Variants in PRKDC observed in about 807,000 individuals in gnomAD.
PRKDC encodes protein kinase, DNA-activated, catalytic subunit.
Under a neutral mutation model 486.9 loss-of-function variants are expected in PRKDC, and 82 were observed. That is an observed-to-expected ratio of 0.17 (90% CI 0.14 to 0.20). PRKDC has a LOEUF of 0.20. Ranked by LOEUF, PRKDC falls within the 10% of genes least tolerant of loss-of-function variation. The pLI, the probability that PRKDC is intolerant of heterozygous loss-of-function variation, is 1.00. For missense variants in PRKDC, 4,504 were observed against 5,038.2 expected, an observed-to-expected ratio of 0.89 and a Z score of 3.21; for synonymous variants, 1,895 against 1,837.0, an observed-to-expected ratio of 1.03 and a Z score of -0.81.
intron 16 of PRKDC, among the ~76,000 whole-genome samples, chr8:47,931,867 G>GCAGAC (rs2154503609): frequency 6.6e-6 from 1 of 152,280 alleles, no homozygotes; most frequent in East Asian, 1.9e-4. Context: ...CCAGAGCAGG[G>GCAGAC]CAGCTCCAGA....
chr8:47,795,849 A>C (rs1483251916), intron 73 of PRKDC, among the ~76,000 whole-genome samples: 1 of 151,646 alleles, frequency 6.6e-6, no homozygotes, highest in Non-Finnish European at 1.5e-5. Flanking sequence ...CTAGAACTAA[A>C]ATTACAGTGT....
At chr8:47,842,072 G>C (rs1414048337) in intron 54 of PRKDC, among the ~76,000 whole-genome samples, 1 of 152,150 alleles carries the variant, frequency 6.6e-6, no homozygotes, top group Non-Finnish European at 1.5e-5. Context: ...CAAGCACAGA[G>C]GACCAGTGGG....
chr8:47,800,585 G>A (rs1259934381), intron 71 of PRKDC, among the ~76,000 whole-genome samples: 2 of 151,688 alleles, frequency 1.3e-5, no homozygotes, highest in Non-Finnish European at 2.9e-5. Context: ...TTGTGCACAT[G>A]TACCCTAAAA....
At chr8:47,780,854 C>G (rs1320983823) in intron 80 of PRKDC, among the ~76,000 whole-genome samples, 2 of 152,058 alleles carry the variant, frequency 1.3e-5, no homozygotes, top group African/African-American at 4.8e-5. Context: ...AGGAGAATTG[C>G]TGGAACCCGG....
At position 47,933,128 on chromosome 8, in the gene PRKDC, G is replaced by T. The variant is rs762336921; in HGVS notation, c.1668C>A (p.Ser556=). 1 of 1,553,562 alleles carries T rather than the reference G, an allele frequency of 6.4e-7. No individual in the cohort carries two copies. Among genetic ancestry groups the T allele is most frequent in the Admixed American group, 2.1e-5 (1 of 48,350 alleles). Residue 556 remains serine (S), a synonymous_variant, in exon 16 of 86, where the codon TCC becomes TCA. Coordinates refer to ENST00000314191, the MANE Select transcript of PRKDC (RefSeq NM_006904.7). ...ADEAFFSVNS[S]SESLNHLLYD... ...AAAGTAAATGATTCAGACTTTCACT[G>T]GAGGAATTCACAGAGAAAAATGCTT...
intron 25 of PRKDC, among the ~76,000 whole-genome samples, chr8:47,910,599 C>G (rs1263970188): frequency 6.6e-6 from 1 of 152,156 alleles, no homozygotes; most frequent in African/African-American, 2.4e-5. Flanking sequence ...AGCGTGCAAC[C>G]CTTTCAAAAT....
intron 7 of PRKDC, among the ~76,000 whole-genome samples, chr8:47,952,161 TACA>T (rs2090635149): frequency 6.6e-6 from 1 of 152,174 alleles, no homozygotes; most frequent in African/African-American, 2.4e-5. Flanking sequence ...CAGATTTCTG[TACA>T]ACAATGATCA....
chr8:47,809,980 C>T (rs947714052), intron 68 of PRKDC, among the ~76,000 whole-genome samples: 11 of 152,132 alleles, frequency 7.2e-5, no homozygotes, highest in African/African-American at 2.4e-4. Context: ...ACAGGGGCTA[C>T]AGGGAGAATC....
chr8:47,839,044 C>T (rs1015596009), intron 56 of PRKDC, 104 bp downstream of exon 56: 1 of 833,622 alleles, frequency 1.2e-6, no homozygotes, highest in Non-Finnish European at 1.9e-6. Context: ...AGAGAAAATG[C>T]TAATACTGCA....
At chr8:47,933,198 T>C (rs1178863754) in intron 15 of PRKDC, 26 bp from the exon 16 acceptor site, 5 of 1,441,926 alleles carry the variant, frequency 3.5e-6, no homozygotes, top group Non-Finnish European at 4.6e-6. Flanking sequence ...AACAATAAAC[T>C]TCAAAATCTT....
chr8:47,900,047 A>G (rs2089652545), intron 28 of PRKDC, among the ~76,000 whole-genome samples: 1 of 152,186 alleles, frequency 6.6e-6, no homozygotes. Context: ...TCAGCACCAT[A>G]TCTGCACAGT....
chr8:47,949,946 G>A (rs968904474), intron 7 of PRKDC, among the ~76,000 whole-genome samples: 3 of 152,190 alleles, frequency 2.0e-5, no homozygotes, highest in Admixed American at 1.3e-4. Context: ...AAACAAAGTA[G>A]GTCCAAACAT....
intron 20 of PRKDC, among the ~76,000 whole-genome samples, 188 bp from the exon 21 acceptor site, chr8:47,927,541 G>A (rs1330954353): frequency 3.9e-5 from 6 of 152,156 alleles, no homozygotes; most frequent in South Asian, 2.1e-4. Flanking sequence ...GTGGTATACC[G>A]CAGCCTTTCA....
At chr8:47,916,538 A>G (rs367769296) in intron 22 of PRKDC, among the ~76,000 whole-genome samples, 65 of 152,372 alleles carry the variant, frequency 4.3e-4, no homozygotes, top group African/African-American at 1.5e-3. Context: ...AAATTTTATC[A>G]TTGGCAACAG....
At chr8:47,850,097 G>A (rs1386501468) in intron 52 of PRKDC, among the ~76,000 whole-genome samples, 1 of 152,108 alleles carries the variant, frequency 6.6e-6, no homozygotes, top group Non-Finnish European at 1.5e-5. Flanking sequence ...GACATGACCT[G>A]TCCTGTTCCC....
intron 27 of PRKDC, 135 bp from the exon 28 acceptor site, chr8:47,900,602 C>T (rs550788074): frequency 5.9e-6 from 4 of 673,892 alleles, no homozygotes; most frequent in Non-Finnish European, 7.0e-6. Context: ...TGGCTCACGC[C>T]TGTAATCCCA....
At position 47,823,912 on chromosome 8, in the gene PRKDC, T is replaced by C. The variant is rs1395391859; in HGVS notation, c.8868A>G (p.Ala2956=). 11 of 1,613,960 alleles carry C rather than the reference T, an allele frequency of 6.8e-6. No individual in the cohort carries two copies. Among genetic ancestry groups the C allele is most frequent in the African/African-American group, 2.7e-5 (2 of 75,060 alleles). Residue 2956 remains alanine (A), a synonymous_variant, in exon 64 of 86, where the codon GCA becomes GCG. Coordinates refer to ENST00000314191, the MANE Select transcript of PRKDC (RefSeq NM_006904.7). ...EIGTKQITQS[A]LLAEARSDYS... ...AATCACTTCTGGCTTCTGCTAATAATGCACTCTGAGTGATTTGCTTTGTTC... is the reference window on the plus strand; with the variant it reads ...AATCACTTCTGGCTTCTGCTAATAACGCACTCTGAGTGATTTGCTTTGTTC...
intron 10 of PRKDC, 195 bp from the exon 11 acceptor site, chr8:47,939,892 C>CT (rs1001357512): frequency 7.0e-6 from 2 of 284,026 alleles, no homozygotes; most frequent in African/African-American, 4.7e-5. Flanking sequence ...TTAAATAAGG[C>CT]TATGTGATAC....
chr8:47,932,520 G>A (rs1231500390), intron 16 of PRKDC, among the ~76,000 whole-genome samples: 2 of 152,108 alleles, frequency 1.3e-5, no homozygotes, highest in African/African-American at 4.8e-5. Context: ...CCAGGCCTAA[G>A]CCATGACTTA....
Sources: gnomAD v4.1 joint callset for allele counts (sites outside exome capture counted in the v4.1 genomes callset) on GRCh38, gnomAD v4.1.1 for gene constraint, MANE v1.5 for transcripts, NCBI Gene and HGNC (gene_info 2026-07-23, HGNC 2026-07-21) for gene names.